Variants in PALD1 observed in about 807,000 individuals in gnomAD.
The protein encoded by PALD1 is phosphatase domain containing paladin 1, also known as paladin.
In PALD1, 57 loss-of-function variants were observed where a neutral mutation model predicts 96.0. The ratio of observed to expected loss-of-function variants is 0.59; its 90% CI spans 0.48 to 0.74. PALD1 has a LOEUF of 0.74. Ranked by LOEUF, PALD1 falls within the 30% of genes least tolerant of loss-of-function variation. The pLI is 0.00. For missense variants in PALD1, 1,063 were observed against 1,143.7 expected (o/e 0.93, Z 1.02); for synonymous variants, 464 against 473.6 (o/e 0.98, Z 0.26).
chr10:70,531,546 C>G, intron 5 of PALD1, 92 bp downstream of exon 5: 1 of 1,272,724 alleles, frequency 7.9e-7, no homozygotes, highest in African/African-American at 1.5e-5. Context: ...TCTTACTGGC[C>G]CGTGTTCCCC....
rs1201128916 is a variant in PALD1, at chr10:70,533,920, A to G, written c.871-2A>G. 6.3e-7 allele frequency: 1 copy of G among 1,583,588 alleles called. No individual in the cohort carries two copies. Among genetic ancestry groups the G allele is most frequent in the Non-Finnish European group, 8.6e-7 (1 of 1,163,446 alleles). ...GGGCCTGATCCTCATGGTCTTTCCC[A>G]GGAGACCCCCAGCCTGCTGCAGCTC... is the stretch of plus-strand genomic sequence containing the variant. On this transcript the variant is annotated splice_acceptor_variant, in intron 7 of 19. Coordinates refer to ENST00000263563, the MANE Select transcript of PALD1 (RefSeq NM_014431.3). LOFTEE classifies it high-confidence loss of function.
In PALD1 at chr10:70,533,083, C is replaced by T. The variant is rs375534273; in HGVS notation, c.870+13C>T. 6.4e-5 allele frequency: 101 copies of T among 1,566,754 alleles called. No individual in the cohort carries two copies. Among genetic ancestry groups the T allele is most frequent in the Admixed American group, 9.4e-5 (5 of 53,424 alleles). Reference sequence around the variant, plus strand: ...CAGTGTTCTCCGGGTAACTGGGGCACGGGCGCGCATGGGGGAGGAGTCTTG... The same window carrying T: ...CAGTGTTCTCCGGGTAACTGGGGCATGGGCGCGCATGGGGGAGGAGTCTTG... On this transcript the variant is annotated intron_variant, in intron 7 of 19. Transcript: ENST00000263563.
At chr10:70,538,205 G>T (rs1589207136) in intron 11 of PALD1, 75 bp from the exon 12 acceptor site, 3 of 1,524,272 alleles carry the variant, frequency 2.0e-6, no homozygotes, top group South Asian at 2.3e-5. Context: ...GGCTTCCCCT[G>T]CCATGGTGTG....
the PALD1 span, among the ~76,000 whole-genome samples, chr10:70,471,598 C>T: frequency 1.3e-5 from 2 of 152,248 alleles, no homozygotes; most frequent in Non-Finnish European, 2.9e-5. Flanking sequence ...TTTAGCCAAT[C>T]ACCTCTCTAC....
rs1847802572 is a variant in PALD1, at chr10:70,564,472, G to C, written c.2371G>C (p.Glu791Gln). The C allele has an allele frequency of 1.2e-6, 2 of 1,614,158 alleles. No homozygotes were observed. The highest frequency in any genetic ancestry group is 1.7e-6 in the Non-Finnish European group (2 of 1,180,026). The change falls in exon 19 of 20, where the codon GAG (glutamate) becomes CAG (glutamine). Residue 791 changes from glutamate (E) to glutamine (Q), a missense_variant. Coordinates refer to ENST00000263563, the MANE Select transcript of PALD1 (RefSeq NM_014431.3). ...LILFNAYLHLEKADSWQRPFS... is the reference protein window; with the variant it reads ...LILFNAYLHLQKADSWQRPFS... ...TCTCTTCAACGCGTACCTCCACCTG[G>C]AGAAGGCCGACTCCTGGCAGAGGCC...
At chr10:70,524,398 G>A (rs1196473203) in intron 1 of PALD1, among the ~76,000 whole-genome samples, 4 of 152,016 alleles carry the variant, frequency 2.6e-5, no homozygotes, top group African/African-American at 4.8e-5. Context: ...TCTGGCTCTC[G>A]GACCCCTGAG....
chr10:70,477,897 C>G (rs762806931), upstream of PALD1, among the ~76,000 whole-genome samples: 3 of 108,986 alleles, frequency 2.8e-5, no homozygotes, highest in Non-Finnish European at 5.9e-5. Context: ...ACAACAAAGC[C>G]TATCTCTCCG....
At chr10:70,475,260 G>A (rs548365122), upstream of PALD1, among the ~76,000 whole-genome samples, 4 of 152,346 alleles carry the variant, frequency 2.6e-5, no homozygotes, top group African/African-American at 9.6e-5. Context: ...ACACAGAAGG[G>A]GGCTGAAAAA....
upstream of PALD1, among the ~76,000 whole-genome samples, chr10:70,478,006 C>T (rs1190203244): frequency 2.0e-5 from 3 of 151,968 alleles, no homozygotes; most frequent in Non-Finnish European, 4.4e-5. Flanking sequence ...GGGCTGGCTG[C>T]CGCCTAGTGC....
chr10:70,527,762 T>C (rs1846898404), intron 2 of PALD1, among the ~76,000 whole-genome samples: 1 of 152,158 alleles, frequency 6.6e-6, no homozygotes, highest in Non-Finnish European at 1.5e-5. Context: ...GCCATACCCA[T>C]TCCACCCCCT....
chr10:70,504,156 G>A (rs1846345772), intron 1 of PALD1, among the ~76,000 whole-genome samples: 3 of 152,206 alleles, frequency 2.0e-5, no homozygotes, highest in South Asian at 2.1e-4. Flanking sequence ...AAAAATTGAC[G>A]ACTCTAAGAG....
chr10:70,492,294 G>A (rs1435938716), intron 1 of PALD1, among the ~76,000 whole-genome samples: 1 of 151,876 alleles, frequency 6.6e-6, no homozygotes, highest in Admixed American at 6.6e-5. Flanking sequence ...CTTTACAATG[G>A]GTTTATCTGC....
At chr10:70,530,343 C>A (rs556051912) in intron 4 of PALD1, among the ~76,000 whole-genome samples, 2 of 152,272 alleles carry the variant, frequency 1.3e-5, no homozygotes, top group South Asian at 4.1e-4. Flanking sequence ...AAGCAGGGGG[C>A]GTGACCGGGT....
chr10:70,531,327 T>G lies in PALD1; in HGVS notation c.506T>G (p.Leu169Arg). The change falls in exon 5 of 20, where the codon CTT (leucine) becomes CGT (arginine). Residue 169 changes from leucine (L) to arginine (R), a missense_variant. By Grantham distance (102) the Leu-to-Arg change is moderately radical. Transcript: ENST00000263563. ...TTCTGTGTGCGGGAGGAACCTGTGC[T>G]TTTCCTGCGTGCAGATGAGGACTTT... ...VIFCVREEPV[L>R]FLRADEDFVS... 6.2e-7 allele frequency: 1 copy of G among 1,613,874 alleles called. No individual in the cohort carries two copies. Among genetic ancestry groups the G allele is most frequent in the South Asian group, 1.1e-5 (1 of 91,062 alleles).
chr10:70,517,417 C>T (rs1353833473), intron 1 of PALD1, among the ~76,000 whole-genome samples: 1 of 150,880 alleles, frequency 6.6e-6, no homozygotes, highest in African/African-American at 2.4e-5. Context: ...TCTCAGCTCA[C>T]TGCAGCCTCC....
chr10:70,550,832 G>A (rs1285699419), intron 18 of PALD1, among the ~76,000 whole-genome samples: 1 of 152,196 alleles, frequency 6.6e-6, no homozygotes, highest in East Asian at 1.9e-4. Flanking sequence ...ATATTCCATT[G>A]TATAGACATA....
At chr10:70,486,209 C>CTT (rs796805815) in intron 1 of PALD1, 7 of 149,094 alleles carry the variant, frequency 4.7e-5, no homozygotes, top group South Asian at 1.9e-4. Flanking sequence ...AAGTCAATAT[C>CTT]TTTTTTTTTT....
intron 17 of PALD1, among the ~76,000 whole-genome samples, chr10:70,545,810 G>C (rs566922964): frequency 5.9e-5 from 9 of 152,160 alleles, no homozygotes; most frequent in African/African-American, 2.2e-4. Flanking sequence ...GCTGCTGCAG[G>C]TTAGGAGGAG....
At position 70,539,002 on chromosome 10, in the gene PALD1, C is replaced by G; in HGVS notation, c.1563C>G (p.Ser521Arg). Reference sequence around the variant, plus strand: ...CCATCTACGGCACGGCCCAGCCCAGCGCCAAGGTGACCGGCCCTCAGGGCC... The same window carrying G: ...CCATCTACGGCACGGCCCAGCCCAGGGCCAAGGTGACCGGCCCTCAGGGCC... ...RMPIYGTAQP[S>R]AKALGSILAY... Residue 521 changes from serine (S) to arginine (R), a missense_variant, in exon 13 of 20, where the codon AGC (serine) becomes AGG (arginine). Ser to Arg is a moderately radical substitution (Grantham distance 110). Coordinates refer to ENST00000263563, the MANE Select transcript of PALD1 (RefSeq NM_014431.3). This position sits in a 1 kb window ranked among gnomAD's most constrained non-coding sequence, Gnocchi z 4.5. 1 of 1,613,742 alleles carries G rather than the reference C, an allele frequency of 6.2e-7. No individual in the cohort carries two copies. Among genetic ancestry groups the G allele is most frequent in the South Asian group, 1.1e-5 (1 of 91,076 alleles).
Sources: allele counts gnomAD v4.1 joint callset (sites outside exome capture counted in the v4.1 genomes callset), GRCh38; gene constraint gnomAD v4.1.1; non-coding constraint Gnocchi (gnomAD v3.1); transcripts MANE v1.5; gene names NCBI Gene and HGNC (gene_info 2026-07-23, HGNC 2026-07-21).